Variants in FHIP1A observed in about 807,000 individuals in gnomAD.
The protein encoded by FHIP1A is FHF complex subunit HOOK-interacting protein 1A.
Under a neutral mutation model 88.6 loss-of-function variants are expected in FHIP1A, and 61 were observed. That is an observed-to-expected ratio of 0.69 (90% CI 0.56 to 0.85). The LOEUF (loss-of-function observed/expected upper bound fraction) is 0.85, where lower values mean the gene tolerates loss of function less well. Ranked by LOEUF, FHIP1A falls within the 40% of genes least tolerant of loss-of-function variation. The probability of loss-of-function intolerance (pLI) is 0.00; values close to 1 mark genes in which losing one functional copy is unlikely to be tolerated. For synonymous variants in FHIP1A, 478 were observed against 496.0 expected, an observed-to-expected ratio of 0.96 and a Z score of 0.48; for missense variants, 1,154 against 1,273.5, an observed-to-expected ratio of 0.91 and a Z score of 1.43.
intron 2 of FHIP1A, among the ~76,000 whole-genome samples, chr4:151,465,605 A>C (rs1729282029): frequency 6.6e-6 from 1 of 152,226 alleles, no homozygotes; most frequent in Admixed American, 6.5e-5. Flanking sequence ...ACTGATCAAT[A>C]TCCATGCGAA....
chr4:151,607,100 T>C lies in FHIP1A; in HGVS notation c.978+18174T>C, dbSNP rs1735103346. Among the ~76,000 whole-genome samples, 7 of 152,240 alleles carry C rather than the reference T, an allele frequency of 4.6e-5. No homozygotes were observed. In the South Asian group the frequency reaches 1.5e-3, roughly 32 times the overall value. On this transcript the variant is annotated intron_variant, in intron 7 of 13. Coordinates refer to ENST00000435205, the MANE Select transcript of FHIP1A (RefSeq NM_001109977.3). ...GTACCATCTCACACTTACACCCTTA[T>C]CAGATGCTGTCCGAGATCCAGTTGT...
At chr4:151,480,612 G>T (rs1037856295) in intron 2 of FHIP1A, among the ~76,000 whole-genome samples, 3 of 152,040 alleles carry the variant, frequency 2.0e-5, no homozygotes, top group African/African-American at 4.8e-5. Context: ...CCAGATATTT[G>T]GTTATGAGGT....
At chr4:151,616,225 C>T (rs567853129) in intron 7 of FHIP1A, among the ~76,000 whole-genome samples, 2 of 152,192 alleles carry the variant, frequency 1.3e-5, no homozygotes, top group South Asian at 4.2e-4. Context: ...GCTCTCCTCC[C>T]CATCTGAGTT....
chr4:151,510,588 C>T (rs1234792537), intron 3 of FHIP1A, among the ~76,000 whole-genome samples: 1 of 152,170 alleles, frequency 6.6e-6, no homozygotes, highest in Non-Finnish European at 1.5e-5. Context: ...TTTTTTGAAC[C>T]TCATCTGTCC....
At chr4:151,530,610 A>G (rs1343742029) in intron 3 of FHIP1A, among the ~76,000 whole-genome samples, 1 of 152,184 alleles carries the variant, frequency 6.6e-6, no homozygotes, top group African/African-American at 2.4e-5. Context: ...GGTTTTGACC[A>G]TTTTTAATCT....
At chr4:151,440,115 TGA>T (rs1443474278) in intron 1 of FHIP1A, among the ~76,000 whole-genome samples, 2 of 152,122 alleles carry the variant, frequency 1.3e-5, no homozygotes, top group African/African-American at 2.4e-5. Context: ...GGAGAGAGAA[TGA>T]GTGCCAGCAG....
intron 1 of FHIP1A, among the ~76,000 whole-genome samples, chr4:151,443,359 C>A (rs1728476547): frequency 6.6e-6 from 1 of 151,980 alleles, no homozygotes; most frequent in Non-Finnish European, 1.5e-5. Context: ...GCTCTGTCAC[C>A]CAGGCTGGAT....
At chr4:151,627,844 G>A (rs973846048) in intron 7 of FHIP1A, among the ~76,000 whole-genome samples, 2 of 152,154 alleles carry the variant, frequency 1.3e-5, no homozygotes, top group Non-Finnish European at 2.9e-5. Context: ...CTAGATCTTT[G>A]GGGCTATCAT....
intron 10 of FHIP1A, among the ~76,000 whole-genome samples, chr4:151,647,593 G>A (rs1045941664): frequency 3.3e-5 from 5 of 152,132 alleles, no homozygotes; most frequent in Non-Finnish European, 7.4e-5. Context: ...TGATATTAAC[G>A]TAATTTGTAG....
intron 1 of FHIP1A, among the ~76,000 whole-genome samples, chr4:151,440,758 A>G (rs1465078060): frequency 1.3e-5 from 2 of 152,174 alleles, no homozygotes; most frequent in African/African-American, 2.4e-5. Context: ...AATTTATTAC[A>G]AAATCATAGC....
chr4:151,452,729 A>G (rs1186997251), intron 1 of FHIP1A, among the ~76,000 whole-genome samples: 1 of 151,452 alleles, frequency 6.6e-6, no homozygotes, highest in African/African-American at 2.4e-5. Context: ...GTGAGCAGAG[A>G]TTGGCGCCAC....
At chr4:151,638,654 A>G (rs1366039861) in intron 8 of FHIP1A, 23 bp from the exon 9 acceptor site, 4 of 1,455,194 alleles carry the variant, frequency 2.7e-6, no homozygotes, top group Non-Finnish European at 3.8e-6. Flanking sequence ...TCTGAACTAG[A>G]ATGTGTGTCT....
chr4:151,650,375 T>C lies in FHIP1A; in HGVS notation c.2334T>C (p.Asp778=), dbSNP rs1225922331. 16 of 1,551,436 alleles carry C rather than the reference T, an allele frequency of 1.0e-5. No homozygotes were observed. Among genetic ancestry groups the C allele is most frequent in the East Asian group, 2.4e-5 (1 of 40,926 alleles). ...GLMEQNYPTP[D]PLLLTKEEEG... ...TGGAACAGAATTACCCCACACCTGA[T>C]CCCTTGCTTCTCACTAAGGAGGAAG... The change falls in exon 11 of 14, where the codon GAT becomes GAC. Residue 778 remains aspartate (D), a synonymous_variant. Transcript: ENST00000435205.
In FHIP1A at chr4:151,496,716, C is replaced by CTTTTTTTTTTTTTTTTTTTTTT. The variant is rs58538673; in HGVS notation, c.-123+14085_-123+14086insTTTTTTTTTTTTTTTTTTTTTT. ...CACAGGAGCATACCACCACGTCCAG[C>CTTTTTTTTTTTTTTTTTTTTTT]TTTTTTTTTTTTTTTTTGTATTTTT... On this transcript the variant is annotated intron_variant, in intron 3 of 13. Coordinates refer to ENST00000435205, the MANE Select transcript of FHIP1A (RefSeq NM_001109977.3). Among the ~76,000 whole-genome samples the CTTTTTTTTTTTTTTTTTTTTTT allele has an allele frequency of 6.2e-4, 63 of 102,438 alleles. 2 individuals are homozygous for CTTTTTTTTTTTTTTTTTTTTTT. The highest frequency in any genetic ancestry group is 1.4e-3 in the African/African-American group (35 of 25,032). 67.2% of individuals were successfully genotyped at this position (102,438 alleles called of 152,430 possible). A position where few individuals can be genotyped will look rare whatever the true frequency, so the allele number is the denominator to read the frequency against.
intron 7 of FHIP1A, among the ~76,000 whole-genome samples, chr4:151,592,176 C>T (rs531815188): frequency 6.6e-6 from 1 of 152,262 alleles, no homozygotes; most frequent in African/African-American, 2.4e-5. Context: ...ACTCTGTCGC[C>T]CAGGCTGGAA....
chr4:151,483,318 G>A (rs752269112), intron 3 of FHIP1A, among the ~76,000 whole-genome samples: 5 of 151,320 alleles, frequency 3.3e-5, no homozygotes, highest in African/African-American at 9.7e-5. Context: ...GGGGTGGGGG[G>A]GTGTTTTGCA....
At chr4:151,538,778 T>C (rs981683298) in intron 3 of FHIP1A, among the ~76,000 whole-genome samples, 2 of 152,262 alleles carry the variant, frequency 1.3e-5, no homozygotes, top group African/African-American at 4.8e-5. Context: ...TGTGAGACCA[T>C]AGAATGTGAT....
chr4:151,595,555 A>G (rs1014718575), intron 7 of FHIP1A, among the ~76,000 whole-genome samples: 3 of 152,172 alleles, frequency 2.0e-5, no homozygotes, highest in Non-Finnish European at 4.4e-5. Flanking sequence ...TCCAGAGCTG[A>G]GTTGAAGTCC....
chr4:151,555,800 CAA>C (rs1480582519), intron 3 of FHIP1A, among the ~76,000 whole-genome samples: 2 of 152,070 alleles, frequency 1.3e-5, no homozygotes, highest in Non-Finnish European at 2.9e-5. Flanking sequence ...CTGAATTGCT[CAA>C]GTCAGCTAGT....
Sources: gnomAD v4.1 joint callset for allele counts (sites outside exome capture counted in the v4.1 genomes callset) on GRCh38, gnomAD v4.1.1 for gene constraint, MANE v1.5 for transcripts, NCBI Gene and HGNC (gene_info 2026-07-23, HGNC 2026-07-21) for gene names.